The following IGFN1 variants were observed in gnomAD, a reference collection of about 807,000 sequenced individuals.
IGFN1 encodes immunoglobulin like and fibronectin type III domain containing 1, also known as immunoglobulin-like and fibronectin type III domain-containing protein 1.
In IGFN1, 253 loss-of-function variants were observed where a neutral mutation model predicts 289.5. That is an observed-to-expected ratio of 0.87 (90% CI 0.79 to 0.97). The LOEUF (loss-of-function observed/expected upper bound fraction) is 0.97, where lower values mean the gene tolerates loss of function less well. Among genes scored for constraint, IGFN1 ranks in the 50% least tolerant of loss-of-function variants. IGFN1 has a pLI of 0.00. For missense variants in IGFN1, 4,470 were observed against 4,686.1 expected (o/e 0.95, Z 1.35); for synonymous variants, 1,706 against 1,788.5 (o/e 0.95, Z 1.16).
chr1:201,224,483 C>G (rs145337333), intron 20 of IGFN1, among the ~76,000 whole-genome samples, 196 bp from the exon 21 acceptor site: 1 of 152,160 alleles, frequency 6.6e-6, no homozygotes, highest in Admixed American at 6.5e-5. Context: ...CTACCATACC[C>G]GCCTGCCAAC....
rs375099833 is a variant in IGFN1 at position 201,194,184 on chromosome 1, T to G, written c.38T>G (p.Val13Gly). The change falls in exon 3 of 24, where the codon GTG becomes GGG. Residue 13 changes from valine to glycine, a missense_variant. By Grantham distance (109) the Val-to-Gly change is moderately radical. Coordinates refer to ENST00000335211, the MANE Select transcript of IGFN1 (RefSeq NM_001164586.2). The stretch of plus-strand genomic sequence containing the variant: ...CTCCGGAAGTCCCACATCCCTGGAG[T>G]GAGCATCTGGCAGCTGGTGGAGGAG... ...GKLRKSHIPGVSIWQLVEEIP... is the reference protein window; with the variant it reads ...GKLRKSHIPGGSIWQLVEEIP... 2.7e-4 allele frequency: 425 copies of G among 1,551,368 alleles called. No homozygotes were observed. The highest frequency in any genetic ancestry group is 3.6e-4 in the Non-Finnish European group (412 of 1,146,936).
At position 201,217,373 on chromosome 1, in the gene IGFN1, G is replaced by A. The variant is rs143014998; in HGVS notation, c.9682G>A (p.Gly3228Ser). Reference sequence around the variant, plus strand: ...GACATGGACAGCACCTCGGGGCCCCGGCAGCGCCCACATCCTGGGCTACCT... The same window carrying A: ...GACATGGACAGCACCTCGGGGCCCCAGCAGCGCCCACATCCTGGGCTACCT... ...TLTWTAPRGP[G>S]SAHILGYLIE... Residue 3228 changes from glycine (G) to serine (S), a missense_variant, in exon 17 of 24, where the codon GGC becomes AGC. By Grantham distance (56) the Gly-to-Ser change is moderately conservative. Around this residue, in one of 8 missense-constraint regions of IGFN1, gnomAD observed 2,218 missense variants for 2,114.1 expected, o/e 1.05. Transcript: ENST00000335211. 3.9e-3 allele frequency: 6,285 copies of A among 1,614,146 alleles called. 19 individuals carry two copies. The highest frequency in any genetic ancestry group is 4.5e-3 in the Non-Finnish European group (5,301 of 1,180,018).
rs577106250 is a variant in IGFN1 at position 201,227,619 on chromosome 1, G to T, written c.11113+411G>T. The stretch of plus-strand genomic sequence containing the variant: ...ATTTTTTTGTATTTTTAATAGAAGG[G>T]GGGTTTCATCATATTGGCCAGACTG... On this transcript the variant is annotated intron_variant, in intron 23 of 23. Transcript: ENST00000335211. 2.6e-5 allele frequency among the ~76,000 whole-genome samples: 4 copies of T among 151,918 alleles called. No homozygotes were observed. The East Asian group carries it at 5.8e-4, about 22-fold the overall frequency.
intron 20 of IGFN1, among the ~76,000 whole-genome samples, chr1:201,223,568 G>A (rs576937106): frequency 1.3e-5 from 2 of 151,920 alleles, no homozygotes; most frequent in Non-Finnish European, 2.9e-5. Context: ...ATGGGGTTTC[G>A]CCGTGTTGGC....
In IGFN1 at chr1:201,228,452, C is replaced by G. The variant is rs528060064; in HGVS notation, c.*53C>G. On this transcript the variant is annotated 3_prime_UTR_variant, in exon 24 of 24. Coordinates refer to ENST00000335211, the MANE Select transcript of IGFN1 (RefSeq NM_001164586.2). The stretch of plus-strand genomic sequence containing the variant: ...ACCCTTGAAGCTTCACTTCCGACAC[C>G]TGCACTGGCCCGGGAAGCCAATCCC... 15 of 1,589,512 alleles carry G rather than the reference C, an allele frequency of 9.4e-6. No homozygotes were observed. In the African/African-American group the frequency reaches 1.9e-4, roughly 20 times the overall value.
At chr1:201,214,557 A>G (rs1653069983) in intron 13 of IGFN1, among the ~76,000 whole-genome samples, 2 of 152,016 alleles carry the variant, frequency 1.3e-5, no homozygotes, top group Non-Finnish European at 2.9e-5. Context: ...CTATACCCAT[A>G]CCTGCTGAAT....
Position 201,197,277 on chromosome 1 carries a change from C to T in IGFN1, c.327C>T (p.Tyr109=), listed in dbSNP as rs370452044. ...ACCGCTGCACAGCAGTAAATGCGTA[C>T]GGAGAGGCCGCTTGCTCAGTGAGAC... ...DLYRCTAVNA[Y]GEAACSVRLT... Residue 109 remains tyrosine, a synonymous_variant, in exon 5 of 24, where the codon TAC becomes TAT. Transcript: ENST00000335211. 185 of 1,551,354 alleles carry T rather than the reference C, an allele frequency of 1.2e-4. No individual in the cohort carries two copies. The highest frequency in any genetic ancestry group is 1.5e-4 in the Non-Finnish European group (169 of 1,146,842).
chr1:201,226,870 C>T lies in IGFN1; in HGVS notation c.10787-12C>T. ...TTCTCACCCTCTTCTCTCACCCCGG[C>T]TTTCACCACAGACAGGTTCACAGTG... On this transcript the variant is annotated splice_polypyrimidine_tract_variant and intron_variant, in intron 22 of 23. Coordinates refer to ENST00000335211, the MANE Select transcript of IGFN1 (RefSeq NM_001164586.2). 2 of 1,555,522 alleles carry T rather than the reference C, an allele frequency of 1.3e-6. No individual in the cohort carries two copies. The highest frequency in any genetic ancestry group is 2.4e-5 in the South Asian group (2 of 81,918).
At chr1:201,191,171 T>G (rs1666643740) in intron 1 of IGFN1, among the ~76,000 whole-genome samples, 1 of 152,210 alleles carries the variant, frequency 6.6e-6, no homozygotes, top group African/African-American at 2.4e-5. Flanking sequence ...GGACACGGCT[T>G]GACTTTGGGT....
At chr1:201,196,746 A>ATGGGT (rs1666937973) in intron 4 of IGFN1, among the ~76,000 whole-genome samples, 1 of 152,186 alleles carries the variant, frequency 6.6e-6, no homozygotes, top group Non-Finnish European at 1.5e-5. Flanking sequence ...CAATATTATA[A>ATGGGT]ATACTAACCA....
At chr1:201,221,797 GA>G in intron 19 of IGFN1, 51 bp downstream of exon 19, 2 of 1,498,822 alleles carry the variant, frequency 1.3e-6, no homozygotes, top group Non-Finnish European at 1.8e-6. Flanking sequence ...CCTCTCCTAA[GA>G]GGGGGCCCCT....
chr1:201,217,714 G>A (rs1653419718), intron 17 of IGFN1, among the ~76,000 whole-genome samples: 1 of 152,144 alleles, frequency 6.6e-6, no homozygotes, highest in African/African-American at 2.4e-5. Flanking sequence ...ACAGGACAGA[G>A]CCCACCTCCT....
In IGFN1 at chr1:201,216,524, G is replaced by T. The variant is rs772644113; in HGVS notation, c.9366G>T (p.Trp3122Cys). The change falls in exon 16 of 24, where the codon TGG becomes TGT. Residue 3122 changes from tryptophan (W) to cysteine (C), a missense_variant. Trp to Cys is a radical substitution (Grantham distance 215). Coordinates refer to ENST00000335211, the MANE Select transcript of IGFN1 (RefSeq NM_001164586.2). ...ATAGGGCTGGCGTCTGCCTCCGCTGGCGGCCCCCAAGGGACAATGGGGGCC... is the reference window on the plus strand; with the variant it reads ...ATAGGGCTGGCGTCTGCCTCCGCTGTCGGCCCCCAAGGGACAATGGGGGCC... ...DCHRAGVCLRWRPPRDNGGRT... is the reference protein window; with the variant it reads ...DCHRAGVCLRCRPPRDNGGRT... 1.9e-5 allele frequency: 30 copies of T among 1,606,834 alleles called. No homozygotes were observed. Among genetic ancestry groups the T allele is most frequent in the Non-Finnish European group, 2.5e-5 (29 of 1,174,840 alleles).
At chr1:201,202,751 C>CCTCCCTT (rs1558137547) in intron 9 of IGFN1, among the ~76,000 whole-genome samples, 1 of 38,972 alleles carries the variant, frequency 2.6e-5, no homozygotes, top group African/African-American at 1.3e-4. Flanking sequence ...CTCCCTCCCT[C>CCTCCCTT]CCTTCCTTCC....
rs1444408181 is a variant in IGFN1, at chr1:201,212,432, T to G, written c.7539T>G (p.Asp2513Glu). The stretch of plus-strand genomic sequence containing the variant: ...ACAGAGGGGCTCCCAGGGTGAAGGA[T>G]AGGTCTCCAGACCAAGCAGGGATAA... ...SRDRGAPRVK[D>E]RSPDQAGIMG... is the part of the protein sequence containing the mutation. The change falls in exon 12 of 24, where the codon GAT becomes GAG. Residue 2513 changes from aspartate (D) to glutamate (E), a missense_variant. Physicochemically the swap from Asp to Glu is conservative, Grantham distance 45. Around this residue, in one of 8 missense-constraint regions of IGFN1, gnomAD observed 2,218 missense variants for 2,114.1 expected, o/e 1.05. Coordinates refer to ENST00000335211, the MANE Select transcript of IGFN1 (RefSeq NM_001164586.2). 6.5e-7 allele frequency: 1 copy of G among 1,536,990 alleles called. No homozygotes were observed. The highest frequency in any genetic ancestry group is 1.4e-5 in the African/African-American group (1 of 72,970).
intron 23 of IGFN1, 36 bp downstream of exon 23, chr1:201,227,244 A>T (rs1654171490): frequency 6.7e-7 from 1 of 1,489,598 alleles, no homozygotes; most frequent in Admixed American, 2.0e-5. Context: ...GGCAGGAAGG[A>T]GAGCCAGGAG....
At chr1:201,222,887 C>T (rs961284104) in intron 20 of IGFN1, 60 bp downstream of exon 20, 7 of 1,189,748 alleles carry the variant, frequency 5.9e-6, no homozygotes, top group Non-Finnish European at 8.6e-6. Flanking sequence ...GGGCCAGACT[C>T]AGCCCTGTGG....
At position 201,206,761 on chromosome 1, in the gene IGFN1, G is replaced by A; in HGVS notation, c.1868G>A (p.Arg623Lys). The A allele has an allele frequency of 6.5e-7, 1 of 1,536,926 alleles. No individual in the cohort carries two copies. The highest frequency in any genetic ancestry group is 8.7e-7 in the Non-Finnish European group (1 of 1,146,930). ...CQSDPVGSWP[R>K]GKQIEISQDD... Reference sequence around the variant, plus strand: ...TCTGATCCTGTAGGGTCCTGGCCAAGAGGAAAGCAGATAGAGATTTCACAG... The same window carrying A: ...TCTGATCCTGTAGGGTCCTGGCCAAAAGGAAAGCAGATAGAGATTTCACAG... Residue 623 changes from arginine (R) to lysine (K), a missense_variant, in exon 12 of 24, where the codon AGA becomes AAA. By Grantham distance (26) the Arg-to-Lys change is conservative. Around this residue, in one of 8 missense-constraint regions of IGFN1, gnomAD observed 2,011 missense variants for 1,953.4 expected, o/e 1.03. Transcript: ENST00000335211.
At position 201,216,738 on chromosome 1, in the gene IGFN1, T is replaced by A; in HGVS notation, c.9580T>A (p.Leu3194Met). ...CGAGGCCCTGGAGTCTGAGGAGATA[T>A]TGGTGGCTCCTGAGGGTGAGAGAAA... Reference protein sequence around the residue: ...AGEALESEEILVAPEALPKAP... With the variant: ...AGEALESEEIMVAPEALPKAP... Residue 3194 changes from leucine to methionine, a missense_variant, in exon 16 of 24, where the codon TTG becomes ATG. This residue lies in a region of IGFN1 where 2,218 missense variants were observed against 2,114.1 expected (regional missense o/e 1.05). Coordinates refer to ENST00000335211, the MANE Select transcript of IGFN1 (RefSeq NM_001164586.2). 6.2e-7 allele frequency: 1 copy of A among 1,608,324 alleles called. No individual in the cohort carries two copies. The highest frequency in any genetic ancestry group is 1.1e-5 in the South Asian group (1 of 90,402).
Sources: allele counts gnomAD v4.1 joint callset (sites outside exome capture counted in the v4.1 genomes callset), GRCh38; gene constraint gnomAD v4.1.1; regional missense constraint gnomAD v4.1.1; transcripts MANE v1.5; gene names NCBI Gene and HGNC (gene_info 2026-07-23, HGNC 2026-07-21).